The following GRK5 variants were observed in gnomAD, a reference collection of about 807,000 sequenced individuals.
GRK5 encodes G protein-coupled receptor kinase 5.
A neutral mutation model predicts 78.4 loss-of-function variants in GRK5; 40 were observed. That is an observed-to-expected ratio of 0.51 (90% CI 0.40 to 0.66). GRK5 has a LOEUF of 0.66. Among genes scored for constraint, GRK5 ranks in the 30% least tolerant of loss-of-function variants. The pLI, the probability that GRK5 is intolerant of heterozygous loss-of-function variation, is 0.00. For missense variants in GRK5, 598 were observed against 759.9 expected (o/e 0.79, Z 2.50); for synonymous variants, 289 against 296.8 (o/e 0.97, Z 0.27).
intron 1 of GRK5, among the ~76,000 whole-genome samples, chr10:119,279,410 G>A (rs1564874475): frequency 1.3e-5 from 2 of 152,192 alleles, no homozygotes; most frequent in Non-Finnish European, 2.9e-5. Flanking sequence ...AGAAAGATGA[G>A]CTGGATAGTT....
chr10:119,429,085 C>T (rs1044090383), intron 6 of GRK5, among the ~76,000 whole-genome samples: 11 of 152,228 alleles, frequency 7.2e-5, no homozygotes, highest in African/African-American at 2.4e-4. Flanking sequence ...GCTGTCCAGC[C>T]GCTCCTGTGC....
At chr10:119,243,668 A>G (rs1179912065) in intron 1 of GRK5, among the ~76,000 whole-genome samples, 8 of 151,882 alleles carry the variant, frequency 5.3e-5, no homozygotes, top group African/African-American at 1.7e-4. Flanking sequence ...AGCTTGCTTA[A>G]CAACCCCAAG....
intron 2 of GRK5, among the ~76,000 whole-genome samples, chr10:119,345,201 C>G (rs545636520): frequency 6.6e-6 from 1 of 152,258 alleles, no homozygotes; most frequent in Non-Finnish European, 1.5e-5. Context: ...ATCTCCTGAC[C>G]TCATGATCCG....
intron 1 of GRK5, among the ~76,000 whole-genome samples, chr10:119,260,411 C>CT (rs576259096): frequency 0.011 from 879 of 80,614 alleles, 1 homozygote; most frequent in East Asian, 0.03. Flanking sequence ...ATGACATGGT[C>CT]TTTTTTTTTT....
chr10:119,290,791 C>T (rs1177047979), intron 1 of GRK5, among the ~76,000 whole-genome samples: 1 of 152,014 alleles, frequency 6.6e-6, no homozygotes, highest in Non-Finnish European at 1.5e-5. Context: ...GCCTTCTGCT[C>T]ACATCGGTCC....
At chr10:119,221,078 C>A (rs1848649969) in intron 1 of GRK5, among the ~76,000 whole-genome samples, 1 of 152,020 alleles carries the variant, frequency 6.6e-6, no homozygotes, top group Non-Finnish European at 1.5e-5. Context: ...ATGGCGTGAA[C>A]CCGGGAGGCG....
At chr10:119,211,410 A>G (rs957518103) in intron 1 of GRK5, 24 of 152,190 alleles carry the variant, frequency 1.6e-4, no homozygotes, top group African/African-American at 5.8e-4. Flanking sequence ...GAGTTTGCTG[A>G]GTGCCTTTTG....
intron 3 of GRK5, 136 bp from the exon 4 acceptor site, chr10:119,396,546 AGGTCTTCCCCCCC>A: frequency 1.5e-6 from 1 of 654,696 alleles, no homozygotes; most frequent in South Asian, 1.9e-5. Context: ...CTCCGTGGCC[AGGTCTTCCCCCCC>A]GGTTTCCTGA....
chr10:119,304,585 A>G (rs1351013427), intron 1 of GRK5, among the ~76,000 whole-genome samples: 2 of 152,186 alleles, frequency 1.3e-5, no homozygotes, highest in Non-Finnish European at 2.9e-5. Flanking sequence ...ACTGAGGCTC[A>G]AAGAGCTTTT....
intron 1 of GRK5, among the ~76,000 whole-genome samples, chr10:119,302,750 G>T (rs1188280366): frequency 6.6e-6 from 1 of 152,130 alleles, no homozygotes. Context: ...GCAGAGCCTG[G>T]GAACCACAGG....
At chr10:119,384,796 G>T (rs551804488) in intron 3 of GRK5, among the ~76,000 whole-genome samples, 3 of 152,306 alleles carry the variant, frequency 2.0e-5, no homozygotes, top group East Asian at 3.9e-4. Context: ...CTGGCTCCCA[G>T]TCCAGGCTCC....
intron 1 of GRK5, among the ~76,000 whole-genome samples, chr10:119,248,909 C>T (rs925128317): frequency 6.6e-6 from 1 of 151,924 alleles, no homozygotes; most frequent in Non-Finnish European, 1.5e-5. Context: ...TTACAGAAAA[C>T]ATTTGCCGAC....
At chr10:119,231,981 A>G (rs1848838354) in intron 1 of GRK5, among the ~76,000 whole-genome samples, 1 of 152,238 alleles carries the variant, frequency 6.6e-6, no homozygotes. Flanking sequence ...ACTACTGGGC[A>G]TTTATCCAAA....
intron 4 of GRK5, among the ~76,000 whole-genome samples, chr10:119,415,353 G>A (rs1384456965): frequency 1.3e-5 from 2 of 152,178 alleles, no homozygotes; most frequent in Non-Finnish European, 2.9e-5. Flanking sequence ...AACAGCCAGT[G>A]TGGGGCCAGA....
chr10:119,357,692 A>C (rs1851285514), intron 2 of GRK5, among the ~76,000 whole-genome samples: 1 of 152,214 alleles, frequency 6.6e-6, no homozygotes. Flanking sequence ...GCTTTGCATG[A>C]GCTTCTTTCC....
intron 2 of GRK5, among the ~76,000 whole-genome samples, chr10:119,375,204 T>A (rs750480089): frequency 6.6e-6 from 1 of 152,178 alleles, no homozygotes; most frequent in South Asian, 2.1e-4. Flanking sequence ...TTGTCCTAAT[T>A]CACCTTCTCC....
At chr10:119,434,942 C>G (rs576105439) in intron 8 of GRK5, among the ~76,000 whole-genome samples, 2 of 152,212 alleles carry the variant, frequency 1.3e-5, no homozygotes, top group African/African-American at 2.4e-5. Flanking sequence ...GCGGAGGTTC[C>G]CAAACCTCAA....
intron 13 of GRK5, among the ~76,000 whole-genome samples, chr10:119,449,589 G>A (rs1462204701): frequency 2.6e-5 from 4 of 152,062 alleles, no homozygotes; most frequent in African/African-American, 9.7e-5. Context: ...TTAGGAGTTC[G>A]AGACCAGCCT....
chr10:119,223,631 A>G (rs1379484797), intron 1 of GRK5, among the ~76,000 whole-genome samples: 1 of 151,810 alleles, frequency 6.6e-6, no homozygotes, highest in Non-Finnish European at 1.5e-5. Context: ...AAATATTTCT[A>G]GAGACGGGGA....
Sources: allele counts gnomAD v4.1 joint callset (sites outside exome capture counted in the v4.1 genomes callset), GRCh38; gene constraint gnomAD v4.1.1; transcripts MANE v1.5; gene names NCBI Gene and HGNC (gene_info 2026-07-23, HGNC 2026-07-21).